The following KCNH1 variants were observed in gnomAD, a reference collection of about 807,000 sequenced individuals.
The protein encoded by KCNH1 is voltage-gated delayed rectifier potassium channel KCNH1.
In KCNH1, 27 loss-of-function variants were observed where a neutral mutation model predicts 69.2. That is an observed-to-expected ratio of 0.39 (90% CI 0.29 to 0.54). The LOEUF (loss-of-function observed/expected upper bound fraction) is 0.54, where lower values mean the gene tolerates loss of function less well. KCNH1 is among the 20% of genes least tolerant of loss of function. The probability of loss-of-function intolerance (pLI) is 0.68; values close to 1 mark genes in which losing one functional copy is unlikely to be tolerated. For missense variants in KCNH1, 798 were observed against 1,261.6 expected, an observed-to-expected ratio of 0.63 and a Z score of 5.57; for synonymous variants, 456 against 487.7, an observed-to-expected ratio of 0.93 and a Z score of 0.86.
chr1:210,822,160 C>T (rs1684942569), intron 7 of KCNH1, among the ~76,000 whole-genome samples: 1 of 151,976 alleles, frequency 6.6e-6, no homozygotes, highest in Non-Finnish European at 1.5e-5. Flanking sequence ...CCAGTCTAGA[C>T]TGGGGTGATG....
chr1:210,964,792 C>T (rs938737061), intron 6 of KCNH1, among the ~76,000 whole-genome samples: 6 of 151,978 alleles, frequency 3.9e-5, no homozygotes, highest in Non-Finnish European at 7.4e-5. Flanking sequence ...GGCAGAGACA[C>T]AACAAAAAAA....
intron 7 of KCNH1, among the ~76,000 whole-genome samples, chr1:210,898,555 G>A (rs1686920865): frequency 6.6e-6 from 1 of 152,114 alleles, no homozygotes; most frequent in Non-Finnish European, 1.5e-5. Context: ...GAACTGGCTG[G>A]GACTGCCTAG....
At chr1:210,806,921 C>T (rs746365244) in intron 7 of KCNH1, among the ~76,000 whole-genome samples, 13 of 142,008 alleles carry the variant, frequency 9.2e-5, no homozygotes, top group African/African-American at 1.3e-4. Context: ...GCAGGAGAAT[C>T]GCTTGAACCC....
intron 6 of KCNH1, among the ~76,000 whole-genome samples, chr1:210,983,046 T>C (rs546548627): frequency 0.024 from 3,657 of 151,586 alleles, 85 homozygotes; most frequent in South Asian, 0.055. Context: ...TTTCCCGTGT[T>C]TTTTGGCTGC....
chr1:210,912,872 C>T lies in KCNH1; in HGVS notation c.1462+6768G>A, dbSNP rs542792844. ...AAAGAGCAAGATGACCCACAGGTCC[C>T]ACCCTCAGGAAGCTTAGAGCTTTAC... is the stretch of plus-strand genomic sequence containing the variant. On this transcript the variant is annotated intron_variant, in intron 7 of 10. Coordinates refer to ENST00000271751, the MANE Select transcript of KCNH1 (RefSeq NM_172362.3). Among the ~76,000 whole-genome samples, 13 of 152,318 alleles carry T rather than the reference C, an allele frequency of 8.5e-5. No individual in the cohort carries two copies. In the South Asian group the frequency reaches 2.3e-3, roughly 27 times the overall value.
chr1:210,994,920 A>T (rs1173838116), intron 6 of KCNH1, among the ~76,000 whole-genome samples: 14 of 152,224 alleles, frequency 9.2e-5, no homozygotes, highest in Admixed American at 9.2e-4. Context: ...GATATGCCAG[A>T]TTCATTAGAT....
intron 5 of KCNH1, among the ~76,000 whole-genome samples, chr1:211,075,446 G>A (rs762905787): frequency 6.6e-6 from 1 of 152,168 alleles, no homozygotes; most frequent in Admixed American, 6.5e-5. Context: ...GGTTAGAAAG[G>A]GTCCCACCAT....
At chr1:210,766,275 C>T (rs904141748) in intron 10 of KCNH1, among the ~76,000 whole-genome samples, 18 of 152,088 alleles carry the variant, frequency 1.2e-4, no homozygotes, top group African/African-American at 4.3e-4. Context: ...CCTGTAATCC[C>T]AGCACTTTGG....
chr1:210,964,508 T>C (rs1218533533), intron 6 of KCNH1, among the ~76,000 whole-genome samples: 2 of 152,028 alleles, frequency 1.3e-5, no homozygotes, highest in African/African-American at 2.4e-5. Flanking sequence ...CTAGAAGAAA[T>C]TGATAAATTC....
intron 6 of KCNH1, among the ~76,000 whole-genome samples, chr1:210,983,739 C>T (rs368913234): frequency 6.6e-6 from 1 of 151,844 alleles, no homozygotes; most frequent in Non-Finnish European, 1.5e-5. Flanking sequence ...GGCTTAGCAT[C>T]GACTTGGCGA....
chr1:210,999,810 T>C (rs535289893), intron 6 of KCNH1, among the ~76,000 whole-genome samples: 3 of 151,874 alleles, frequency 2.0e-5, no homozygotes, highest in Non-Finnish European at 3.0e-5. Flanking sequence ...AAAAAGCTTA[T>C]CCACTATGAT....
At chr1:211,123,229 G>C (rs1351900545) in intron 1 of KCNH1, among the ~76,000 whole-genome samples, 1 of 152,144 alleles carries the variant, frequency 6.6e-6, no homozygotes, top group Non-Finnish European at 1.5e-5. Context: ...ACTAGGCCTG[G>C]AGTGGACCGC....
At chr1:211,009,974 G>A (rs905210634) in intron 6 of KCNH1, among the ~76,000 whole-genome samples, 4 of 152,154 alleles carry the variant, frequency 2.6e-5, no homozygotes, top group African/African-American at 2.4e-5. Flanking sequence ...GGGAGAGTAC[G>A]AGCTGGGTGT....
intron 10 of KCNH1, among the ~76,000 whole-genome samples, chr1:210,744,850 A>C (rs927308146): frequency 3.3e-5 from 5 of 152,128 alleles, no homozygotes; most frequent in Non-Finnish European, 5.9e-5. Context: ...ACCGGGGATA[A>C]AGCAGGTGGC....
intron 5 of KCNH1, among the ~76,000 whole-genome samples, chr1:211,022,058 T>G (rs191158237): frequency 2.6e-4 from 39 of 152,062 alleles, no homozygotes; most frequent in Admixed American, 1.1e-3. Context: ...AGGAATCACA[T>G]TACCTGACTT....
chr1:210,867,265 T>C (rs560935334), intron 7 of KCNH1, among the ~76,000 whole-genome samples: 66 of 151,554 alleles, frequency 4.4e-4, no homozygotes, highest in Non-Finnish European at 8.6e-4. Context: ...AATTGTATGG[T>C]AGGTGAGTTT....
chr1:210,809,620 C>T (rs946862831), intron 7 of KCNH1, among the ~76,000 whole-genome samples: 1 of 152,094 alleles, frequency 6.6e-6, no homozygotes, highest in African/African-American at 2.4e-5. Flanking sequence ...GTTTTTAAAG[C>T]AGAGTACATG....
At chr1:211,082,744 A>G (rs371525987) in intron 5 of KCNH1, 36 bp downstream of exon 5, 14 of 1,550,302 alleles carry the variant, frequency 9.0e-6, no homozygotes, top group African/African-American at 1.4e-5. Flanking sequence ...ACCCCCTAAA[A>G]GTGAGGCTCA....
At chr1:210,928,890 C>A (rs1687629143) in intron 6 of KCNH1, among the ~76,000 whole-genome samples, 1 of 152,014 alleles carries the variant, frequency 6.6e-6, no homozygotes, top group Admixed American at 6.6e-5. Context: ...TTATTCAAGG[C>A]TACAATGAAA....
Sources: gnomAD v4.1 joint callset for allele counts (sites outside exome capture counted in the v4.1 genomes callset) on GRCh38, gnomAD v4.1.1 for gene constraint, MANE v1.5 for transcripts, NCBI Gene and HGNC (gene_info 2026-07-23, HGNC 2026-07-21) for gene names.